Variants in CENPW observed in about 807,000 individuals in gnomAD.
CENPW encodes centromere protein W.
Under a neutral mutation model 11.1 loss-of-function variants are expected in CENPW, and 3 were observed. The observed-to-expected ratio is 0.27, with a 90% CI of 0.12 to 0.70. The LOEUF (loss-of-function observed/expected upper bound fraction) is 0.70. Ranked by LOEUF, CENPW falls within the 30% of genes least tolerant of loss-of-function variation. CENPW has a pLI of 0.77. For synonymous variants in CENPW, 38 were observed against 42.0 expected (o/e 0.91, Z 0.37); for missense variants, 100 against 105.6 (o/e 0.95, Z 0.23).
chr6:126,357,683 A>G, the CENPW span, among the ~76,000 whole-genome samples: 2 of 151,294 alleles, frequency 1.3e-5, no homozygotes, highest in African/African-American at 4.9e-5. Flanking sequence ...ATTTCGGCTC[A>G]CTGCAACCTC....
the CENPW span, among the ~76,000 whole-genome samples, chr6:126,438,977 C>G: frequency 6.6e-6 from 1 of 151,646 alleles, no homozygotes; most frequent in East Asian, 1.9e-4. Flanking sequence ...AAAGAGTATA[C>G]ATTGGTAATT....
the CENPW span, among the ~76,000 whole-genome samples, chr6:126,415,160 G>T: frequency 6.6e-6 from 1 of 152,034 alleles, no homozygotes; most frequent in East Asian, 1.9e-4. Flanking sequence ...TCAAGGGGGT[G>T]TAAGGTGTAA....
At chr6:126,411,964 C>A in the CENPW span, among the ~76,000 whole-genome samples, 1 of 120,464 alleles carries the variant, frequency 8.3e-6, no homozygotes, top group Non-Finnish European at 1.7e-5. Context: ...CTCCCTCTCT[C>A]TCTCCTTTCT....
chr6:126,437,907 A>G, the CENPW span, among the ~76,000 whole-genome samples: 1 of 151,804 alleles, frequency 6.6e-6, no homozygotes. Flanking sequence ...TCTCTATTTA[A>G]GCAGCCGTAT....
At chr6:126,481,991 A>T in the CENPW span, among the ~76,000 whole-genome samples, 1 of 151,808 alleles carries the variant, frequency 6.6e-6, no homozygotes, top group Non-Finnish European at 1.5e-5. Context: ...TGTGAAGTTC[A>T]TTTTTGAAGC....
At chr6:126,355,397 G>T in the CENPW span, among the ~76,000 whole-genome samples, 16 of 151,998 alleles carry the variant, frequency 1.1e-4, no homozygotes, top group Non-Finnish European at 2.9e-5. Context: ...CTGTGTTCAG[G>T]TTGGCCAGTT....
chr6:126,480,870 A>G, the CENPW span, among the ~76,000 whole-genome samples: 3 of 152,058 alleles, frequency 2.0e-5, no homozygotes, highest in Non-Finnish European at 2.9e-5. Context: ...TAAGCACATT[A>G]ACATTCAATA....
At chr6:126,415,305 T>C in the CENPW span, among the ~76,000 whole-genome samples, 1 of 152,182 alleles carries the variant, frequency 6.6e-6, no homozygotes, top group Non-Finnish European at 1.5e-5. Context: ...CACTAGATTA[T>C]AACCTTACAA....
chr6:126,358,876 C>T, the CENPW span, among the ~76,000 whole-genome samples: 1 of 151,972 alleles, frequency 6.6e-6, no homozygotes, highest in Admixed American at 6.6e-5. Context: ...GAAAAATCCA[C>T]CAGATGGATT....
At chr6:126,425,812 A>C in the CENPW span, among the ~76,000 whole-genome samples, 1 of 151,660 alleles carries the variant, frequency 6.6e-6, no homozygotes, top group Non-Finnish European at 1.5e-5. Context: ...AAAAAAAAAA[A>C]CCCTCAAGTT....
At chr6:126,357,449 T>C in the CENPW span, among the ~76,000 whole-genome samples, 1 of 152,204 alleles carries the variant, frequency 6.6e-6, no homozygotes, top group African/African-American at 2.4e-5. Flanking sequence ...TTTCTAATTC[T>C]GTGAAAGATG....
the CENPW span, among the ~76,000 whole-genome samples, chr6:126,430,573 T>G: frequency 6.6e-6 from 1 of 152,224 alleles, no homozygotes; most frequent in African/African-American, 2.4e-5. Flanking sequence ...CTGATTGGGC[T>G]GTGATGCTCA....
At chr6:126,344,658 A>G (rs1458548232) in intron 1 of CENPW, among the ~76,000 whole-genome samples, 1 of 152,220 alleles carries the variant, frequency 6.6e-6, no homozygotes, top group Admixed American at 6.5e-5. Context: ...CAATGAAGAT[A>G]GTGCATCAAA....
At chr6:126,403,274 A>G in the CENPW span, among the ~76,000 whole-genome samples, 1 of 152,154 alleles carries the variant, frequency 6.6e-6, no homozygotes, top group Non-Finnish European at 1.5e-5. Context: ...GAAGTTGCAT[A>G]TCTCTCACTT....
chr6:126,416,494 A>G, the CENPW span, among the ~76,000 whole-genome samples: 1 of 152,324 alleles, frequency 6.6e-6, no homozygotes, highest in South Asian at 2.1e-4. Context: ...TCTCCAGGGC[A>G]TGTCAGAGGC....
the CENPW span, among the ~76,000 whole-genome samples, chr6:126,369,015 C>T: frequency 3.1e-4 from 47 of 152,204 alleles, no homozygotes; most frequent in African/African-American, 1.1e-3. Context: ...TTAGCTCCCA[C>T]TTATGAGTGA....
At chr6:126,437,509 T>C in the CENPW span, among the ~76,000 whole-genome samples, 1 of 151,924 alleles carries the variant, frequency 6.6e-6, no homozygotes, top group African/African-American at 2.4e-5. Flanking sequence ...TAACCTCAGT[T>C]TGAGCAAAAA....
chr6:126,431,418 A>G, the CENPW span, among the ~76,000 whole-genome samples: 32 of 152,340 alleles, frequency 2.1e-4, no homozygotes, highest in African/African-American at 6.5e-4. Flanking sequence ...AACACAATGT[A>G]TGAGATTTGG....
the CENPW span, among the ~76,000 whole-genome samples, chr6:126,388,377 C>A: frequency 6.6e-6 from 1 of 151,948 alleles, no homozygotes; most frequent in Non-Finnish European, 1.5e-5. Context: ...ATAGCACCGG[C>A]CTGAGTCCCT....
Sources: gnomAD v4.1 joint callset for allele counts (sites outside exome capture counted in the v4.1 genomes callset) on GRCh38, gnomAD v4.1.1 for gene constraint, MANE v1.5 for transcripts, NCBI Gene and HGNC (gene_info 2026-07-23, HGNC 2026-07-21) for gene names.